Variants in AOPEP observed in about 807,000 individuals in gnomAD.
The protein encoded by AOPEP is aminopeptidase O (putative), also known as aminopeptidase O.
A neutral mutation model predicts 98.1 loss-of-function variants in AOPEP; 77 were observed. The ratio of observed to expected loss-of-function variants is 0.78; its 90% CI spans 0.65 to 0.95. AOPEP has a LOEUF of 0.95. Among genes scored for constraint, AOPEP ranks in the 40% least tolerant of loss-of-function variants. AOPEP has a pLI of 0.00. For missense variants in AOPEP, 1,024 were observed against 1,024.7 expected, an observed-to-expected ratio of 1.00 and a Z score of 0.01; for synonymous variants, 346 against 365.3, an observed-to-expected ratio of 0.95 and a Z score of 0.60.
At chr9:94,987,335 G>C (rs1245865862) in intron 11 of AOPEP, among the ~76,000 whole-genome samples, 1 of 152,268 alleles carries the variant, frequency 6.6e-6, no homozygotes, top group African/African-American at 2.4e-5. Context: ...CAGGCAGGTA[G>C]AGCATGGGCA....
At chr9:95,143,409 T>C in the AOPEP span, among the ~76,000 whole-genome samples, 1 of 152,158 alleles carries the variant, frequency 6.6e-6, no homozygotes, top group Non-Finnish European at 1.5e-5. Context: ...TTGGTTCCTT[T>C]GGCTACCAGC....
intron 1 of AOPEP, among the ~76,000 whole-genome samples, chr9:94,755,183 T>C (rs536848407): frequency 1.4e-4 from 22 of 152,320 alleles, no homozygotes; most frequent in South Asian, 8.3e-4. Flanking sequence ...TTGTATGTTA[T>C]GGCTTATGAC....
At chr9:95,015,500 C>T (rs984818767) in intron 13 of AOPEP, among the ~76,000 whole-genome samples, 1 of 152,096 alleles carries the variant, frequency 6.6e-6, no homozygotes, top group Non-Finnish European at 1.5e-5. Flanking sequence ...GTACAAAACC[C>T]TGAGTCAGGA....
At chr9:94,754,803 C>T (rs778454867) in intron 1 of AOPEP, among the ~76,000 whole-genome samples, 11 of 152,266 alleles carry the variant, frequency 7.2e-5, no homozygotes, top group African/African-American at 1.9e-4. Flanking sequence ...TGAGGATACA[C>T]GTTGCTTTGT....
intron 15 of AOPEP, among the ~76,000 whole-genome samples, chr9:95,081,754 A>G (rs2069814108): frequency 6.6e-6 from 1 of 152,190 alleles, no homozygotes; most frequent in Non-Finnish European, 1.5e-5. Context: ...TCTTTGACAA[A>G]TAAGGATCAC....
chr9:94,755,099 T>TA (rs1232658247), intron 1 of AOPEP, among the ~76,000 whole-genome samples: 3 of 152,188 alleles, frequency 2.0e-5, no homozygotes, highest in Admixed American at 6.5e-5. Flanking sequence ...CTTTTTTTTT[T>TA]AGCACACTTA....
intron 13 of AOPEP, among the ~76,000 whole-genome samples, chr9:95,020,873 TGC>T (rs1345429333): frequency 7.2e-6 from 1 of 139,690 alleles, no homozygotes; most frequent in Non-Finnish European, 1.5e-5. Flanking sequence ...AAGCCGAGAT[TGC>T]GCCACTGTAC....
chr9:95,135,065 T>C, the AOPEP span, among the ~76,000 whole-genome samples: 1 of 152,242 alleles, frequency 6.6e-6, no homozygotes, highest in African/African-American at 2.4e-5. Context: ...AAATAAGAAA[T>C]ACTGTTTTTA....
chr9:94,727,504 A>G (rs1231201211), intron 1 of AOPEP, among the ~76,000 whole-genome samples: 1 of 152,186 alleles, frequency 6.6e-6, no homozygotes, highest in East Asian at 1.9e-4. Flanking sequence ...ATAACCCGCT[A>G]GGGATGTTTA....
Position 95,087,145 on chromosome 9 carries a change from G to T in AOPEP, c.*468G>T, listed in dbSNP as rs2070771916. 6.1e-6 allele frequency: 1 copy of T among 165,162 alleles called. No homozygotes were observed. The allele number at this position is 165,162 out of a possible 1,614,324, so 10.2% of individuals were successfully genotyped here. A position where few individuals can be genotyped will look rare whatever the true frequency, so the allele number is the denominator to read the frequency against. On this transcript the variant is annotated 3_prime_UTR_variant, in exon 17 of 17. Coordinates refer to ENST00000375315, the MANE Select transcript of AOPEP (RefSeq NM_001193329.3). ...AGATATATTATTAATAAATGTAATG[G>T]ATTTTTTTTTTGTATACGTGTTTGC... is the stretch of plus-strand genomic sequence containing the variant.
Position 95,000,124 on chromosome 9 carries a change from A to T in AOPEP, c.1978-5034A>T, listed in dbSNP as rs930746158. ...CGTTTGGCAGGGCCAAAATCCTCCT[A>T]AAAAAAAACAATGACAACAACAACT... On this transcript the variant is annotated intron_variant, in intron 11 of 16. Transcript: ENST00000375315. Among the ~76,000 whole-genome samples, 9 of 151,372 alleles carry T rather than the reference A, an allele frequency of 5.9e-5. No homozygotes were observed. The South Asian group carries it at 1.7e-3, about 28-fold the overall frequency.
chr9:94,956,221 A>C (rs1371345646), intron 9 of AOPEP, among the ~76,000 whole-genome samples: 1 of 152,246 alleles, frequency 6.6e-6, no homozygotes, highest in Non-Finnish European at 1.5e-5. Flanking sequence ...ACTATAACCC[A>C]AAGCTGTCTC....
intron 5 of AOPEP, among the ~76,000 whole-genome samples, chr9:94,876,208 C>T (rs949381843): frequency 6.6e-6 from 1 of 152,054 alleles, no homozygotes; most frequent in Non-Finnish European, 1.5e-5. Context: ...TCATTGTTAG[C>T]CTGGTAACAC....
the AOPEP span, chr9:95,099,797 A>G: frequency 4.3e-6 from 1 of 232,402 alleles, no homozygotes; most frequent in Non-Finnish European, 8.5e-6. Context: ...GAGATTCTGC[A>G]GATGGGCCGA....
chr9:94,991,258 C>T (rs2060875935), intron 11 of AOPEP, among the ~76,000 whole-genome samples: 1 of 152,192 alleles, frequency 6.6e-6, no homozygotes, highest in African/African-American at 2.4e-5. Context: ...TTGTGGAAGC[C>T]ATTATGTGGT....
chr9:94,942,240 A>T (rs1298984739), intron 7 of AOPEP, among the ~76,000 whole-genome samples: 1 of 152,242 alleles, frequency 6.6e-6, no homozygotes. Context: ...AATGAGCGTT[A>T]GTTTCCCATT....
the AOPEP span, among the ~76,000 whole-genome samples, chr9:95,129,238 T>A: frequency 1.3e-5 from 2 of 152,312 alleles, no homozygotes; most frequent in East Asian, 3.9e-4. Context: ...TGACACTCTT[T>A]ATACTTTTTG....
At chr9:94,946,830 C>T (rs1036210855) in intron 7 of AOPEP, among the ~76,000 whole-genome samples, 6 of 152,122 alleles carry the variant, frequency 3.9e-5, no homozygotes, top group Non-Finnish European at 7.4e-5. Context: ...CTGAACTGAA[C>T]ACAGCCTGCT....
intron 5 of AOPEP, among the ~76,000 whole-genome samples, chr9:94,863,224 C>G (rs370913777): frequency 1.3e-5 from 2 of 151,838 alleles, no homozygotes; most frequent in Admixed American, 1.3e-4. Flanking sequence ...CCTCTCCCCT[C>G]TCTTCCCCTC....
Sources: allele counts gnomAD v4.1 joint callset (sites outside exome capture counted in the v4.1 genomes callset), GRCh38; gene constraint gnomAD v4.1.1; transcripts MANE v1.5; gene names NCBI Gene and HGNC (gene_info 2026-07-23, HGNC 2026-07-21).